Variants in MPDZ observed in about 807,000 individuals in gnomAD.
MPDZ encodes multiple PDZ domain protein.
A neutral mutation model predicts 239.1 loss-of-function variants in MPDZ; 234 were observed. That is an observed-to-expected ratio of 0.98 (90% CI 0.88 to 1.09). MPDZ has a LOEUF of 1.09. Ranked by LOEUF, MPDZ falls within the 50% of genes least tolerant of loss-of-function variation. The pLI, the probability that MPDZ is intolerant of heterozygous loss-of-function variation, is 0.00. For synonymous variants in MPDZ, 1,048 were observed against 881.3 expected (o/e 1.19, Z -3.35); for missense variants, 3,175 against 2,510.0 (o/e 1.26, Z -5.66).
Position 13,219,673 on chromosome 9 carries a change from T to A in MPDZ, c.972A>T (p.Gln324His). Reference protein sequence around the residue: ...SSEQVAQVLRQCGNRVKLMIA... With the variant: ...SSEQVAQVLRHCGNRVKLMIA... ...TCATCAACTTAACTCTATTTCCACA[T>A]TGCCTAAGGACTTGTGCTACTTGCT... The change falls in exon 8 of 47, where the codon CAA (glutamine) becomes CAT (histidine). Residue 324 changes from glutamine to histidine, a missense_variant. Physicochemically the swap from Gln to His is conservative, Grantham distance 24. Coordinates refer to ENST00000319217, the MANE Select transcript of MPDZ (RefSeq NM_001378778.1). The A allele has an allele frequency of 6.2e-7, 1 of 1,612,790 alleles. No homozygotes were observed.
chr9:13,137,942 T>A lies in MPDZ; in HGVS notation c.4200+15A>T. On this transcript the variant is annotated intron_variant, in intron 29 of 46. Coordinates refer to ENST00000319217, the MANE Select transcript of MPDZ (RefSeq NM_001378778.1). ...TAAAACAAGAATAAATTCAAAATTT[T>A]CCACAAAAACTTACCTCTAGAAGCT... 6.2e-7 allele frequency: 1 copy of A among 1,612,862 alleles called. No homozygotes were observed. Among genetic ancestry groups the A allele is most frequent in the Non-Finnish European group, 8.5e-7 (1 of 1,179,310 alleles).
intron 29 of MPDZ, among the ~76,000 whole-genome samples, chr9:13,137,305 G>A (rs1946971428): frequency 6.6e-6 from 1 of 152,132 alleles, no homozygotes; most frequent in Non-Finnish European, 1.5e-5. Flanking sequence ...AGTGCCTAAC[G>A]CAAATGACTG....
At chr9:13,201,071 T>C (rs1414526095) in intron 12 of MPDZ, among the ~76,000 whole-genome samples, 3 of 152,060 alleles carry the variant, frequency 2.0e-5, no homozygotes, top group African/African-American at 7.2e-5. Context: ...TTTTTTTTAA[T>C]ATATTTGGGT....
Position 13,136,805 on chromosome 9 carries a change from T to A in MPDZ, c.4201-2A>T. 1 of 1,568,762 alleles carries A rather than the reference T, an allele frequency of 6.4e-7. No homozygotes were observed. Among genetic ancestry groups the A allele is most frequent in the Non-Finnish European group, 8.7e-7 (1 of 1,149,002 alleles). On this transcript the variant is annotated splice_acceptor_variant, in intron 29 of 46. Coordinates refer to ENST00000319217, the MANE Select transcript of MPDZ (RefSeq NM_001378778.1). LOFTEE classifies it high-confidence loss of function. ...TCCATATAAAATCTGACCATTGATC[T>A]GTGAGAAATAAATATCATTAGTTGG...
chr9:13,267,282 T>C (rs996892589), intron 1 of MPDZ, among the ~76,000 whole-genome samples: 1 of 152,244 alleles, frequency 6.6e-6, no homozygotes, highest in African/African-American at 2.4e-5. Context: ...TTGTTTATAA[T>C]AGCTTCCAAA....
In MPDZ at chr9:13,159,599, A is replaced by T. The variant is rs547837904; in HGVS notation, c.3360-1489T>A. ...CAGACAAGAATTAGAACTTAGAAAC[A>T]GTCCTTAAAATATTCAGTGACAGGC... On this transcript the variant is annotated intron_variant, in intron 23 of 46. Transcript: ENST00000319217. Among the ~76,000 whole-genome samples the T allele has an allele frequency of 1.0e-3, 156 of 152,284 alleles. 2 individuals are homozygous for T. In the South Asian group the frequency reaches 0.02, roughly 19 times the overall value.
Position 13,192,125 on chromosome 9 carries a change from TG to T in MPDZ, c.1968+5del. 1 of 1,588,456 alleles carries T rather than the reference TG, an allele frequency of 6.3e-7. No individual in the cohort carries two copies. The highest frequency in any genetic ancestry group is 8.6e-7 in the Non-Finnish European group (1 of 1,166,246). ...TAGGTTAGCCTCATGTATGCAAATC[TG>T]ATACCTTTTCTGTTAGCTCAATATC... is the stretch of plus-strand genomic sequence containing the variant. On this transcript the variant is annotated splice_donor_5th_base_variant and intron_variant, in intron 15 of 46. Coordinates refer to ENST00000319217, the MANE Select transcript of MPDZ (RefSeq NM_001378778.1).
Position 13,216,854 on chromosome 9 carries a change from C to T in MPDZ, c.1210G>A (p.Gly404Arg). 2 of 1,608,386 alleles carry T rather than the reference C, an allele frequency of 1.2e-6. No individual in the cohort carries two copies. The highest frequency in any genetic ancestry group is 1.7e-5 in the Admixed American group (1 of 59,640). ...YIGDKKLEPS[G>R]IFVKSITKSS... Reference sequence around the variant, plus strand: ...TTTGTAATGCTCTTTACAAAGATTCCTGAAGGTTCTAAGATTAGAAATAGT... The same window carrying T: ...TTTGTAATGCTCTTTACAAAGATTCTTGAAGGTTCTAAGATTAGAAATAGT... Residue 404 changes from glycine to arginine, a missense_variant, in exon 10 of 47, where the codon GGA (glycine) becomes AGA (arginine). Coordinates refer to ENST00000319217, the MANE Select transcript of MPDZ (RefSeq NM_001378778.1).
intron 10 of MPDZ, among the ~76,000 whole-genome samples, chr9:13,208,286 A>G (rs1205614748): frequency 2.0e-5 from 3 of 152,084 alleles, no homozygotes; most frequent in Non-Finnish European, 2.9e-5. Flanking sequence ...TCTATAAAAA[A>G]CAGAAAAATT....
chr9:13,135,440 CT>C (rs1946592343), intron 31 of MPDZ: 1 of 152,182 alleles, frequency 6.6e-6, no homozygotes, highest in African/African-American at 2.4e-5. Flanking sequence ...TCCTTGTTAA[CT>C]GTTTCCTGAA....
chr9:13,122,112 A>T lies in MPDZ; in HGVS notation c.5012T>A (p.Leu1671His). Reference sequence around the variant, plus strand: ...CTCTAAGATCTGATCTCCAGCCCAGAGTCTTCCATCTTTACATGCTGCTCC... The same window carrying T: ...CTCTAAGATCTGATCTCCAGCCCAGTGTCTTCCATCTTTACATGCTGCTCC... ...EEGAACKDGR[L>H]WAGDQILEVN... Residue 1671 changes from leucine to histidine, a missense_variant, in exon 37 of 47, where the codon CTC becomes CAC. Coordinates refer to ENST00000319217, the MANE Select transcript of MPDZ (RefSeq NM_001378778.1). 6.2e-7 allele frequency: 1 copy of T among 1,614,082 alleles called. No individual in the cohort carries two copies. The highest frequency in any genetic ancestry group is 8.5e-7 in the Non-Finnish European group (1 of 1,179,938).
At chr9:13,278,791 A>T (rs1385201160) in intron 1 of MPDZ, among the ~76,000 whole-genome samples, 1 of 152,012 alleles carries the variant, frequency 6.6e-6, no homozygotes, top group East Asian at 2.0e-4. Flanking sequence ...CCCCGCGGCT[A>T]AGGCGAGAAC....
chr9:13,251,817 A>G (rs1968113131), intron 1 of MPDZ, among the ~76,000 whole-genome samples: 1 of 152,192 alleles, frequency 6.6e-6, no homozygotes, highest in Non-Finnish European at 1.5e-5. Context: ...CATCAACTCC[A>G]TTTCAAATGT....
rs746268904 is a variant in MPDZ, at chr9:13,198,733, C to CTGTGTGTGTGTG, written c.1547-2504_1547-2503insCACACACACACA. ...TCTTATATTTAGGTCTTTAATCTCT[C>CTGTGTGTGTGTG]TCTCTGTGTGTGTGTGTGTGTGTGT... On this transcript the variant is annotated intron_variant, in intron 12 of 46. Coordinates refer to ENST00000319217, the MANE Select transcript of MPDZ (RefSeq NM_001378778.1). 3.4e-3 allele frequency among the ~76,000 whole-genome samples: 304 copies of CTGTGTGTGTGTG among 89,468 alleles called. 6 individuals carry two copies. Among genetic ancestry groups the CTGTGTGTGTGTG allele is most frequent in the African/African-American group, 8.0e-3 (281 of 35,330 alleles). The allele number at this position is 89,468 out of a possible 152,430, so 58.7% of individuals were successfully genotyped here. A position where few individuals can be genotyped will look rare whatever the true frequency, so the allele number is the denominator to read the frequency against.
intron 1 of MPDZ, among the ~76,000 whole-genome samples, chr9:13,277,650 T>G (rs1974541790): frequency 6.6e-6 from 1 of 152,152 alleles, no homozygotes; most frequent in Admixed American, 6.5e-5. Flanking sequence ...ATGCAACCGC[T>G]GCCTCCCGGG....
At chr9:13,239,389 G>T (rs1222222986) in intron 3 of MPDZ, among the ~76,000 whole-genome samples, 5 of 152,026 alleles carry the variant, frequency 3.3e-5, no homozygotes, top group African/African-American at 1.2e-4. Context: ...ATAAAATGAG[G>T]AAAATCATAT....
intron 37 of MPDZ, 51 bp downstream of exon 37, chr9:13,122,036 C>A (rs901945743): frequency 6.2e-7 from 1 of 1,604,694 alleles, no homozygotes; most frequent in African/African-American, 1.3e-5. Context: ...ACACTCCCCC[C>A]AGGAGCCTTT....
intron 42 of MPDZ, among the ~76,000 whole-genome samples, chr9:13,112,371 G>A (rs542758030): frequency 6.6e-6 from 1 of 152,284 alleles, no homozygotes; most frequent in African/African-American, 2.4e-5. Context: ...CATGCTAAAT[G>A]AAAATCATGT....
intron 27 of MPDZ, 104 bp from the exon 28 acceptor site, chr9:13,140,253 ATATC>A: frequency 9.3e-7 from 1 of 1,077,816 alleles, no homozygotes; most frequent in Non-Finnish European, 1.3e-6. Context: ...TGGCTTTAAA[ATATC>A]TAACAAATAA....
Sources: gnomAD v4.1 joint callset for allele counts (sites outside exome capture counted in the v4.1 genomes callset) on GRCh38, gnomAD v4.1.1 for gene constraint, MANE v1.5 for transcripts, NCBI Gene and HGNC (gene_info 2026-07-23, HGNC 2026-07-21) for gene names.